Variants in KDM4A observed in about 807,000 individuals in gnomAD.
The protein encoded by KDM4A is lysine-specific demethylase 4A.
A neutral mutation model predicts 127.1 loss-of-function variants in KDM4A; 23 were observed. The ratio of observed to expected loss-of-function variants is 0.18; its 90% CI spans 0.13 to 0.26. KDM4A has a LOEUF of 0.26. KDM4A is among the 10% of genes least tolerant of loss of function. The pLI is 1.00. For missense variants in KDM4A, 890 were observed against 1,329.1 expected (o/e 0.67, Z 5.14); for synonymous variants, 443 against 466.5 (o/e 0.95, Z 0.65).
rs1302436906 is a variant in KDM4A, at chr1:43,694,969, G to A, written c.2670+75G>A. ...TTTCTCTGCATGTTTTCCATTTGTT[G>A]TATCAGCAACTATTTCCTCAAGCAT... On this transcript the variant is annotated intron_variant, in intron 18 of 21. Transcript: ENST00000372396. The surrounding 1 kb of genome is among the most constrained non-coding windows in gnomAD (Gnocchi z 5.2). 14 of 1,374,664 alleles carry A rather than the reference G, an allele frequency of 1.0e-5. No homozygotes were observed. Among genetic ancestry groups the A allele is most frequent in the African/African-American group, 1.4e-5 (1 of 69,184 alleles). The allele number at this position is 1,374,664 out of a possible 1,614,324, so 85.2% of individuals were successfully genotyped here.
In KDM4A at chr1:43,653,389, G is replaced by A. The variant is rs561405801; in HGVS notation, c.138+76G>A. 219 of 1,413,258 alleles carry A rather than the reference G, an allele frequency of 1.5e-4. 2 individuals are homozygous for A. The African/African-American group carries it at 2.4e-3, about 16-fold the overall frequency. 87.5% of individuals were successfully genotyped at this position (1,413,258 alleles called of 1,614,324 possible). On this transcript the variant is annotated intron_variant, in intron 2 of 21. Coordinates refer to ENST00000372396, the MANE Select transcript of KDM4A (RefSeq NM_014663.3). ...AAGATTTTTTTCCTACATTTGGGCC[G>A]GAACTGTGTTTTACTGAAAGTTGGG...
chr1:43,652,987 A>G, intron 1 of KDM4A, 150 bp from the exon 2 acceptor site: 2 of 404,502 alleles, frequency 4.9e-6, no homozygotes, highest in Non-Finnish European at 8.2e-6. Flanking sequence ...CCCGGCCCCT[A>G]AATAACTTTT....
At position 43,666,455 on chromosome 1, in the gene KDM4A, T is replaced by A; in HGVS notation, c.677T>A (p.Phe226Tyr). 1 of 1,614,054 alleles carries A rather than the reference T, an allele frequency of 6.2e-7. No individual in the cohort carries two copies. The change falls in exon 7 of 22, where the codon TTT (phenylalanine) becomes TAT (tyrosine). Residue 226 changes from phenylalanine to tyrosine, a missense_variant. Physicochemically the swap from Phe to Tyr is conservative, Grantham distance 22. Around this residue, in one of 7 missense-constraint regions of KDM4A, gnomAD observed 141 missense variants for 273.5 expected, o/e 0.52. Transcript: ENST00000372396. ...CTGTACCCTTTCAATTAAATAGGCT[T>A]TTTCCCAGGAAGTGCTCAAAGCTGT... ...GKRLERLAKGFFPGSAQSCEA... is the reference protein window; with the variant it reads ...GKRLERLAKGYFPGSAQSCEA...
At chr1:43,686,158 T>TG (rs1359413325) in intron 12 of KDM4A, among the ~76,000 whole-genome samples, 1 of 142,628 alleles carries the variant, frequency 7.0e-6, no homozygotes, top group Non-Finnish European at 1.5e-5. Context: ...CTTGTTTTTT[T>TG]TTTTTTTTTT....
chr1:43,688,824 C>A lies in KDM4A; in HGVS notation c.1856-90C>A. ...GTCACCCTTGGTCCAAACCTAGGAT[C>A]AGGAGTCCTAGTGGAACTCATCTGT... On this transcript the variant is annotated intron_variant, in intron 12 of 21. Transcript: ENST00000372396. The surrounding 1 kb of genome is among the most constrained non-coding windows in gnomAD (Gnocchi z 4.4). 1 of 1,196,122 alleles carries A rather than the reference C, an allele frequency of 8.4e-7. No individual in the cohort carries two copies. Among genetic ancestry groups the A allele is most frequent in the Non-Finnish European group, 1.2e-6 (1 of 839,008 alleles). 74.1% of individuals were successfully genotyped at this position (1,196,122 alleles called of 1,614,324 possible). A position where few individuals can be genotyped will look rare whatever the true frequency, so the allele number is the denominator to read the frequency against.
chr1:43,685,832 A>G (rs1660961515), intron 12 of KDM4A, among the ~76,000 whole-genome samples: 1 of 152,164 alleles, frequency 6.6e-6, no homozygotes, highest in Non-Finnish European at 1.5e-5. Flanking sequence ...TCCTCCAGTC[A>G]GAAGTGTGGC....
intron 3 of KDM4A, among the ~76,000 whole-genome samples, chr1:43,659,809 C>T (rs1348076579): frequency 1.3e-5 from 2 of 152,118 alleles, no homozygotes; most frequent in African/African-American, 4.8e-5. Context: ...CTGCGTAGGG[C>T]GCTTGGGCAT....
At position 43,694,133 on chromosome 1, in the gene KDM4A, C is replaced by T. The variant is rs373600933; in HGVS notation, c.2484+31C>T. 8.1e-5 allele frequency: 126 copies of T among 1,562,456 alleles called. No individual in the cohort carries two copies. The highest frequency in any genetic ancestry group is 5.0e-4 in the African/African-American group (37 of 73,948). On this transcript the variant is annotated intron_variant, in intron 17 of 21. Coordinates refer to ENST00000372396, the MANE Select transcript of KDM4A (RefSeq NM_014663.3). This position sits in a 1 kb window ranked among gnomAD's most constrained non-coding sequence, Gnocchi z 5.2. ...GGCTTGTAGACTCTACATAATTTCC[C>T]GACTTACAAGTTTCTGGGTAGAAGA...
Position 43,694,625 on chromosome 1 carries a change from T to C in KDM4A, c.2485-84T>C. 1.6e-6 allele frequency: 2 copies of C among 1,242,362 alleles called. No individual in the cohort carries two copies. The highest frequency in any genetic ancestry group is 2.3e-6 in the Non-Finnish European group (2 of 874,330). The allele number at this position is 1,242,362 out of a possible 1,614,324, so 77.0% of individuals were successfully genotyped here. A position where few individuals can be genotyped will look rare whatever the true frequency, so the allele number is the denominator to read the frequency against. ...GGGAAGGGGCTGGCTCTTGCTTGCT[T>C]GGCTTTGCATTTGGGAGGGGAACAA... On this transcript the variant is annotated intron_variant, in intron 17 of 21. Coordinates refer to ENST00000372396, the MANE Select transcript of KDM4A (RefSeq NM_014663.3). The surrounding 1 kb of genome is among the most constrained non-coding windows in gnomAD (Gnocchi z 5.2).
At chr1:43,682,473 C>T (rs1005989461) in intron 11 of KDM4A, among the ~76,000 whole-genome samples, 1 of 152,144 alleles carries the variant, frequency 6.6e-6, no homozygotes, top group African/African-American at 2.4e-5. Flanking sequence ...AGGAAAAGGT[C>T]CCTGATATCC....
Position 43,688,009 on chromosome 1 carries a change from G to A in KDM4A, c.1856-905G>A, listed in dbSNP as rs1348330373. 2.0e-5 allele frequency among the ~76,000 whole-genome samples: 3 copies of A among 151,872 alleles called. No individual in the cohort carries two copies. Among genetic ancestry groups the A allele is most frequent in the Non-Finnish European group, 4.4e-5 (3 of 67,970 alleles). On this transcript the variant is annotated intron_variant, in intron 12 of 21. Transcript: ENST00000372396. This position sits in a 1 kb window ranked among gnomAD's most constrained non-coding sequence, Gnocchi z 4.4. ...CTTTACAGTCTTCATTGGTCTCTGTGGTTGTCACTGTTTTTTTTTTTTAAG... is the reference window on the plus strand; with the variant it reads ...CTTTACAGTCTTCATTGGTCTCTGTAGTTGTCACTGTTTTTTTTTTTTAAG...
chr1:43,700,741 G>A (rs1661367883), intron 19 of KDM4A, among the ~76,000 whole-genome samples: 3 of 151,550 alleles, frequency 2.0e-5, no homozygotes, highest in African/African-American at 7.3e-5. Context: ...AAAGTTAGTT[G>A]CAGTGTGGAA....
At chr1:43,657,497 G>A (rs1441346438) in intron 3 of KDM4A, among the ~76,000 whole-genome samples, 3 of 152,164 alleles carry the variant, frequency 2.0e-5, no homozygotes, top group South Asian at 2.1e-4. Context: ...CACCGTGCCC[G>A]GCCAACCTTA....
intron 11 of KDM4A, among the ~76,000 whole-genome samples, chr1:43,682,480 A>C (rs1557914278): frequency 6.6e-6 from 1 of 152,194 alleles, no homozygotes; most frequent in Non-Finnish European, 1.5e-5. Context: ...GGTCCCTGAT[A>C]TCCTCACTCC....
chr1:43,679,792 C>T (rs1269159541), intron 11 of KDM4A, among the ~76,000 whole-genome samples: 1 of 152,202 alleles, frequency 6.6e-6, no homozygotes, highest in South Asian at 2.1e-4. Context: ...TGGTTCTTCT[C>T]TGTACAGAAT....
chr1:43,650,263 T>C lies in KDM4A; in HGVS notation c.-40+11T>C, dbSNP rs1024961749. ...GGCTTTGGGCTGTAGGTGAGAACTA[T>C]AGGGTTTTGGAATTCTCGAGGATCA... On this transcript the variant is annotated intron_variant, in intron 1 of 21. Transcript: ENST00000372396. 10 of 148,252 alleles carry C rather than the reference T, an allele frequency of 6.7e-5. No individual in the cohort carries two copies. Among genetic ancestry groups the C allele is most frequent in the Admixed American group, 5.5e-4 (8 of 14,610 alleles). 9.2% of individuals were successfully genotyped at this position (148,252 alleles called of 1,614,324 possible).
At chr1:43,703,428 A>G (rs1661458679) in intron 19 of KDM4A, 189 bp from the exon 20 acceptor site, 1 of 505,172 alleles carries the variant, frequency 2.0e-6, no homozygotes. Flanking sequence ...TAGAAGCAGG[A>G]GAGGGCAGAG....
chr1:43,666,253 G>C (rs543592239), intron 6 of KDM4A, 199 bp from the exon 7 acceptor site: 8 of 539,866 alleles, frequency 1.5e-5, no homozygotes, highest in East Asian at 3.1e-5. Context: ...CATTACCCAC[G>C]TAATGCCCTA....
intron 19 of KDM4A, among the ~76,000 whole-genome samples, 194 bp downstream of exon 19, chr1:43,698,207 T>A (rs1375551084): frequency 1.3e-5 from 2 of 152,206 alleles, no homozygotes; most frequent in Non-Finnish European, 2.9e-5. Context: ...GGTACCCTAT[T>A]TTCCCTAGAA....
Sources: gnomAD v4.1 joint callset for allele counts (sites outside exome capture counted in the v4.1 genomes callset) on GRCh38, gnomAD v4.1.1 for gene constraint, gnomAD v4.1.1 regional missense constraint, Gnocchi (gnomAD v3.1) non-coding constraint, MANE v1.5 for transcripts, NCBI Gene and HGNC (gene_info 2026-07-23, HGNC 2026-07-21) for gene names.